Variants in DIAPH2 observed in about 807,000 individuals in gnomAD.
DIAPH2 encodes protein diaphanous homolog 2.
A neutral mutation model predicts 92.7 loss-of-function variants in DIAPH2; 35 were observed. The observed-to-expected ratio is 0.38, with a 90% CI of 0.29 to 0.50. The LOEUF is 0.50. Among genes scored for constraint, DIAPH2 ranks in the 20% least tolerant of loss-of-function variants. The pLI is 0.94. For synonymous variants in DIAPH2, 301 were observed against 280.4 expected (o/e 1.07, Z -0.73); for missense variants, 701 against 819.5 (o/e 0.86, Z 1.77).
chrX:96,926,899 A>C (rs1018893810), intron 9 of DIAPH2, among the ~76,000 whole-genome samples: 13 of 111,451 alleles, frequency 1.2e-4, no homozygotes, highest in Non-Finnish European at 1.7e-4. Flanking sequence ...TTTGATCCTC[A>C]TGGAAGCTGT....
chrX:96,994,124 A>G (rs59864700), intron 17 of DIAPH2, among the ~76,000 whole-genome samples: 6,534 of 111,885 alleles, frequency 0.058, 472 homozygotes, highest in African/African-American at 0.2. Flanking sequence ...AGGAAAGTTT[A>G]GGATTGATGG....
chrX:97,012,227 A>AT (rs1421604489), intron 17 of DIAPH2, among the ~76,000 whole-genome samples: 1 of 112,161 alleles, frequency 8.9e-6, no homozygotes, highest in African/African-American at 3.2e-5. Context: ...CCTGAGGTGA[A>AT]TGACCTCAAT....
chrX:97,131,386 A>C (rs481428), intron 21 of DIAPH2, among the ~76,000 whole-genome samples: 29 of 111,594 alleles, frequency 2.6e-4, no homozygotes, highest in African/African-American at 8.5e-4. Flanking sequence ...TAGACCTTCA[A>C]AGTTTTTCAT....
chrX:97,580,098 A>G (rs2071428266), intron 26 of DIAPH2, among the ~76,000 whole-genome samples: 1 of 111,138 alleles, frequency 9.0e-6, no homozygotes, highest in African/African-American at 3.3e-5. Context: ...TAGATATACA[A>G]TCATGTCATC....
chrX:97,272,898 G>A (rs773094476), intron 23 of DIAPH2, among the ~76,000 whole-genome samples: 184 of 112,352 alleles, frequency 1.6e-3, no homozygotes, highest in Admixed American at 6.5e-3. Flanking sequence ...GCTCATGTGT[G>A]TAATCCCAGC....
At chrX:96,926,105 A>T (rs148192947) in intron 9 of DIAPH2, among the ~76,000 whole-genome samples, 1,915 of 111,533 alleles carry the variant, frequency 0.017, 36 homozygotes, top group African/African-American at 0.059. Context: ...CAATATGGAT[A>T]ATCTGTCTGA....
chrX:96,769,060 T>G (rs2064321817), intron 4 of DIAPH2, among the ~76,000 whole-genome samples: 1 of 110,987 alleles, frequency 9.0e-6, no homozygotes. Context: ...TGCTGTAGTT[T>G]AAGTAATAAG....
rs1386379582 is a variant in DIAPH2, at chrX:96,813,948, C to A, written c.447+55690C>A. Among the ~76,000 whole-genome samples the A allele has an allele frequency of 2.7e-5, 3 of 111,587 alleles. No homozygotes were observed. The Admixed American group carries it at 2.9e-4, about 11-fold the overall frequency. On this transcript the variant is annotated intron_variant, in intron 4 of 26. Coordinates refer to ENST00000324765, the MANE Select transcript of DIAPH2 (RefSeq NM_006729.5). Reference sequence around the variant, plus strand: ...GTAACCCAACCTTTCTCTCTGGCTGCCCTTAGCCTTTTTTCCTTCATTTCA... The same window carrying A: ...GTAACCCAACCTTTCTCTCTGGCTGACCTTAGCCTTTTTTCCTTCATTTCA...
At chrX:97,095,197 A>C (rs1328577273) in intron 19 of DIAPH2, among the ~76,000 whole-genome samples, 1 of 86,898 alleles carries the variant, frequency 1.2e-5, no homozygotes, top group African/African-American at 4.6e-5. Context: ...GCTCACTGCA[A>C]GCTCTGCCTC....
At chrX:96,941,698 G>T (rs1268256686) in intron 12 of DIAPH2, among the ~76,000 whole-genome samples, 2 of 110,653 alleles carry the variant, frequency 1.8e-5, no homozygotes, top group African/African-American at 3.3e-5. Flanking sequence ...TGGCTCATTT[G>T]TTTTTATTAA....
intron 4 of DIAPH2, among the ~76,000 whole-genome samples, chrX:96,874,159 A>T (rs776342033): frequency 0.013 from 1,461 of 111,988 alleles, 13 homozygotes; most frequent in Non-Finnish European, 0.02. Flanking sequence ...GAAGTACTAG[A>T]TTTAAGTAAG....
intron 4 of DIAPH2, among the ~76,000 whole-genome samples, chrX:96,863,241 CTTT>C (rs72109103): frequency 1.2e-5 from 1 of 86,094 alleles, no homozygotes; most frequent in Admixed American, 1.3e-4. Flanking sequence ...CTCATTATTC[CTTT>C]TTTTTTTTTT....
intron 22 of DIAPH2, among the ~76,000 whole-genome samples, chrX:97,206,158 G>A (rs2067794337): frequency 9.0e-6 from 1 of 110,511 alleles, no homozygotes; most frequent in South Asian, 3.9e-4. Context: ...CTGTCATGGG[G>A]TCGGAGTCAA....
intron 17 of DIAPH2, among the ~76,000 whole-genome samples, chrX:97,039,170 C>T (rs1041209165): frequency 9.0e-6 from 1 of 111,327 alleles, no homozygotes; most frequent in Admixed American, 9.5e-5. Flanking sequence ...TATTTGCTTA[C>T]TCATGATGTT....
chrX:97,179,494 G>A (rs2067522007), intron 22 of DIAPH2, among the ~76,000 whole-genome samples: 1 of 110,761 alleles, frequency 9.0e-6, no homozygotes, highest in South Asian at 3.9e-4. Flanking sequence ...GTTTGCTGAG[G>A]ATGGTGGCTT....
intron 26 of DIAPH2, among the ~76,000 whole-genome samples, chrX:97,484,695 G>A (rs1269659582): frequency 1.3e-4 from 15 of 111,274 alleles, no homozygotes; most frequent in African/African-American, 4.9e-4. Flanking sequence ...TCAGGAGATC[G>A]AGACCATCCT....
intron 17 of DIAPH2, among the ~76,000 whole-genome samples, chrX:96,996,575 G>T (rs1243894131): frequency 9.0e-6 from 1 of 111,676 alleles, no homozygotes; most frequent in Non-Finnish European, 1.9e-5. Context: ...ATTGTCTAAT[G>T]ATAAGGCCAG....
chrX:97,245,779 A>G (rs781111008), intron 22 of DIAPH2, among the ~76,000 whole-genome samples: 1 of 111,707 alleles, frequency 9.0e-6, no homozygotes, highest in African/African-American at 3.2e-5. Flanking sequence ...TGTCATTTCT[A>G]AAAGTTCTTC....
At chrX:97,212,557 T>C (rs919702672) in intron 22 of DIAPH2, among the ~76,000 whole-genome samples, 1 of 107,300 alleles carries the variant, frequency 9.3e-6, no homozygotes, top group Non-Finnish European at 1.9e-5. Flanking sequence ...AAAAACTGTA[T>C]AGTATTAAAT....
Sources: allele counts gnomAD v4.1 joint callset (sites outside exome capture counted in the v4.1 genomes callset), GRCh38; gene constraint gnomAD v4.1.1; transcripts MANE v1.5; gene names NCBI Gene and HGNC (gene_info 2026-07-23, HGNC 2026-07-21).